Variants in NPIPB5 observed in about 807,000 individuals in gnomAD.
NPIPB5 encodes nuclear pore complex interacting protein family member B5.
For missense variants in NPIPB5, 10 were observed against 414.7 expected, an observed-to-expected ratio of 0.02 and a Z score of 8.48; for synonymous variants, 1 against 168.2, an observed-to-expected ratio of 0.01 and a Z score of 7.69.
At chr16:22,514,833 GATAC>G (rs2049784537) in intron 1 of NPIPB5, among the ~76,000 whole-genome samples, 1 of 11,108 alleles carries the variant, frequency 9.0e-5, no homozygotes, top group Non-Finnish European at 1.3e-4. Context: ...GATTTATATA[GATAC>G]ACACACACAC....
intron 4 of NPIPB5, among the ~76,000 whole-genome samples, chr16:22,528,517 C>CTTT (rs1194681081): frequency 6.9e-5 from 5 of 72,290 alleles, no homozygotes; most frequent in South Asian, 5.5e-4. Context: ...CACAGCCAGC[C>CTTT]TTTTTTTTTT....
chr16:22,517,848 G>A (rs2049800513), intron 1 of NPIPB5, among the ~76,000 whole-genome samples: 1 of 124,290 alleles, frequency 8.0e-6, no homozygotes, highest in Non-Finnish European at 1.7e-5. Flanking sequence ...CAAATCTAGG[G>A]CAGGAACATG....
At position 22,533,696 on chromosome 16, in the gene NPIPB5, C is replaced by CT; in HGVS notation, c.716dup (p.Leu239PhefsTer20). ...TACTGGCCCTACCTCACAGCTGAAA[C>CT]TTTAAAAAACAGGATGGGCCACCAG... is the stretch of plus-strand genomic sequence containing the variant. On this transcript the variant is annotated frameshift_variant, in exon 7 of 7. Transcript: ENST00000424340. LOFTEE classifies it high-confidence loss of function. 2.3e-6 allele frequency: 1 copy of CT among 440,184 alleles called. No individual in the cohort carries two copies. The highest frequency in any genetic ancestry group is 3.8e-6 in the Non-Finnish European group (1 of 260,026). 27.3% of individuals were successfully genotyped at this position (440,184 alleles called of 1,614,324 possible). A position where few individuals can be genotyped will look rare whatever the true frequency, so the allele number is the denominator to read the frequency against.
downstream of NPIPB5, chr16:22,536,514 AAAAT>A (rs2049913867): frequency 6.8e-6 from 1 of 147,108 alleles, no homozygotes; most frequent in Non-Finnish European, 1.5e-5. Context: ...ATATAAAAAT[AAAAT>A]AAATACTGCA....
intron 1 of NPIPB5, among the ~76,000 whole-genome samples, chr16:22,514,902 A>T (rs1490570129): frequency 3.2e-5 from 1 of 30,944 alleles, no homozygotes; most frequent in Non-Finnish European, 5.1e-5. Context: ...ACACACACAT[A>T]TTTTTTGAGA....
At chr16:22,529,392 CAGGGT>C (rs1395710390) in intron 4 of NPIPB5, among the ~76,000 whole-genome samples, 2 of 150,052 alleles carry the variant, frequency 1.3e-5, no homozygotes, top group African/African-American at 4.9e-5. Context: ...CTACAAAGGC[CAGGGT>C]ATTTCCTGTC....
chr16:22,528,517 C>CT (rs1194681081), intron 4 of NPIPB5, among the ~76,000 whole-genome samples: 149 of 72,282 alleles, frequency 2.1e-3, no homozygotes, highest in Non-Finnish European at 2.3e-3. Context: ...CACAGCCAGC[C>CT]TTTTTTTTTT....
chr16:22,529,411 C>CT (rs1278474083), intron 4 of NPIPB5, among the ~76,000 whole-genome samples: 89 of 149,198 alleles, frequency 6.0e-4, no homozygotes, highest in Non-Finnish European at 9.8e-4. Flanking sequence ...TCCTGTCCAC[C>CT]TTTATTCTGA....
At chr16:22,528,704 T>G (rs2049840413) in intron 4 of NPIPB5, among the ~76,000 whole-genome samples, 2 of 130,560 alleles carry the variant, frequency 1.5e-5, no homozygotes, top group African/African-American at 2.9e-5. Context: ...TTTTTTTTTT[T>G]TTTTTTTTTT....
In NPIPB5 at chr16:22,517,947, G is replaced by A. The variant is rs1480803774; in HGVS notation, c.120+4026G>A. On this transcript the variant is annotated intron_variant, in intron 1 of 6. Transcript: ENST00000424340. ...GTTGCTGTTTTTGAGACAGAGTCTC[G>A]CTCTGTCGCCTAGGCTGGAGTGCAG... Among the ~76,000 whole-genome samples the A allele has an allele frequency of 3.7e-5, 5 of 136,952 alleles. No homozygotes were observed. In the East Asian group the frequency reaches 7.5e-4, roughly 21 times the overall value. The allele number at this position is 136,952 out of a possible 152,430, so 89.8% of individuals were successfully genotyped here.
At chr16:22,528,691 A>ATTTTTTTT (rs2049838929) in intron 4 of NPIPB5, among the ~76,000 whole-genome samples, 1 of 25,348 alleles carries the variant, frequency 3.9e-5, no homozygotes, top group African/African-American at 1.6e-4. Flanking sequence ...ACATTTGACC[A>ATTTTTTTT]ATTTTTTTTT....
At chr16:22,517,802 G>A (rs1401016523) in intron 1 of NPIPB5, among the ~76,000 whole-genome samples, 2 of 89,646 alleles carry the variant, frequency 2.2e-5, no homozygotes, top group African/African-American at 8.1e-5. Flanking sequence ...GCCTCCCAAA[G>A]TGCTGGGATT....
chr16:22,528,517 CTTTT>C (rs1194681081), intron 4 of NPIPB5, among the ~76,000 whole-genome samples: 7 of 72,288 alleles, frequency 9.7e-5, no homozygotes, highest in African/African-American at 3.6e-4. Flanking sequence ...CACAGCCAGC[CTTTT>C]TTTTTTTTTT....
intron 4 of NPIPB5, among the ~76,000 whole-genome samples, chr16:22,528,692 A>ATTTGTTTTTG (rs2049839457): frequency 2.0e-5 from 1 of 49,192 alleles, no homozygotes; most frequent in African/African-American, 9.8e-5. Flanking sequence ...CATTTGACCA[A>ATTTGTTTTTG]TTTTTTTTTT....
At chr16:22,528,692 A>AT (rs1175345253) in intron 4 of NPIPB5, among the ~76,000 whole-genome samples, 999 of 49,068 alleles carry the variant, frequency 0.02, 193 homozygotes, top group African/African-American at 0.089. Flanking sequence ...CATTTGACCA[A>AT]TTTTTTTTTT....
intron 1 of NPIPB5, among the ~76,000 whole-genome samples, chr16:22,518,060 C>T (rs2049804675): frequency 2.2e-5 from 1 of 45,580 alleles, no homozygotes; most frequent in African/African-American, 8.3e-5. Context: ...GGACTACAGG[C>T]GCCCACCACC....
intron 4 of NPIPB5, among the ~76,000 whole-genome samples, chr16:22,528,324 TCTC>T (rs1596501949): frequency 1.8e-5 from 1 of 57,100 alleles, no homozygotes; most frequent in African/African-American, 1.0e-4. Flanking sequence ...TTCAAGCAAT[TCTC>T]CTGCCTCAGC....
intron 1 of NPIPB5, among the ~76,000 whole-genome samples, chr16:22,518,073 A>G (rs2049805092): frequency 2.3e-5 from 1 of 43,518 alleles, no homozygotes; most frequent in African/African-American, 8.7e-5. Flanking sequence ...CCACCACCAC[A>G]CCCGGCTAAT....
At chr16:22,514,835 T>C (rs1352653555) in intron 1 of NPIPB5, among the ~76,000 whole-genome samples, 2 of 21,940 alleles carry the variant, frequency 9.1e-5, no homozygotes, top group Non-Finnish European at 1.3e-4. Flanking sequence ...TTTATATAGA[T>C]ACACACACAC....
Sources: gnomAD v4.1 joint callset for allele counts (sites outside exome capture counted in the v4.1 genomes callset) on GRCh38, gnomAD v4.1.1 for gene constraint, MANE v1.5 for transcripts, NCBI Gene and HGNC (gene_info 2026-07-23, HGNC 2026-07-21) for gene names.